The following RGS7 variants were observed in gnomAD, a reference collection of about 807,000 sequenced individuals.
RGS7 encodes regulator of G protein signaling 7, also known as regulator of G-protein signaling 7.
A neutral mutation model predicts 81.1 loss-of-function variants in RGS7; 27 were observed. The ratio of observed to expected loss-of-function variants is 0.33; its 90% confidence interval spans 0.25 to 0.46. The LOEUF is 0.46. Among genes scored for constraint, RGS7 ranks in the 20% least tolerant of loss-of-function variants. RGS7 has a pLI of 1.00. For synonymous variants in RGS7, 208 were observed against 207.7 expected (o/e 1.00, Z -0.01); for missense variants, 396 against 607.4 (o/e 0.65, Z 3.66).
intron 2 of RGS7, among the ~76,000 whole-genome samples, chr1:241,107,553 G>A (rs2065201481): frequency 6.6e-6 from 1 of 152,088 alleles, no homozygotes; most frequent in Non-Finnish European, 1.5e-5. Flanking sequence ...CTAAGAATTG[G>A]TCTTGCATGA....
intron 13 of RGS7, among the ~76,000 whole-genome samples, chr1:240,812,671 G>A (rs1572205997): frequency 3.9e-5 from 6 of 152,162 alleles, no homozygotes; most frequent in Admixed American, 3.3e-4. Context: ...CTGACCTCAG[G>A]TGATCCACCC....
chr1:241,343,403 C>G (rs1429962664), intron 2 of RGS7, among the ~76,000 whole-genome samples: 1 of 152,014 alleles, frequency 6.6e-6, no homozygotes, highest in African/African-American at 2.4e-5. Flanking sequence ...ATACAATAGT[C>G]AAAGGTAGCA....
chr1:240,898,094 T>A (rs1465684310), intron 6 of RGS7, among the ~76,000 whole-genome samples: 2 of 152,204 alleles, frequency 1.3e-5, no homozygotes, highest in Non-Finnish European at 2.9e-5. Context: ...TATTCTCTGA[T>A]GGTAGTTTGT....
chr1:241,030,712 G>A (rs1289272809), intron 3 of RGS7, among the ~76,000 whole-genome samples: 1 of 152,030 alleles, frequency 6.6e-6, no homozygotes. Flanking sequence ...TGCAATCTGG[G>A]AACCAGTGGG....
chr1:240,916,599 A>C (rs2148279711), intron 6 of RGS7, among the ~76,000 whole-genome samples: 1 of 152,268 alleles, frequency 6.6e-6, no homozygotes, highest in East Asian at 1.9e-4. Flanking sequence ...TGAGATCATA[A>C]GGGTGAGGTC....
chr1:241,264,917 C>A (rs770085251), intron 2 of RGS7, among the ~76,000 whole-genome samples: 1 of 152,204 alleles, frequency 6.6e-6, no homozygotes, highest in Non-Finnish European at 1.5e-5. Context: ...CCTCCAGCGG[C>A]CTAACTGCAA....
intron 4 of RGS7, among the ~76,000 whole-genome samples, chr1:240,956,206 G>A (rs1313603461): frequency 6.6e-6 from 1 of 152,156 alleles, no homozygotes; most frequent in South Asian, 2.1e-4. Context: ...GTAAGCAAGG[G>A]CTGGGAACAA....
At chr1:240,926,632 T>G (rs1489816304) in intron 6 of RGS7, among the ~76,000 whole-genome samples, 1 of 152,192 alleles carries the variant, frequency 6.6e-6, no homozygotes, top group African/African-American at 2.4e-5. Flanking sequence ...TGTCTCTACT[T>G]CTTACCAAAG....
chr1:241,298,693 A>G (rs2079561135), intron 2 of RGS7, among the ~76,000 whole-genome samples: 3 of 152,186 alleles, frequency 2.0e-5, no homozygotes, highest in Admixed American at 6.5e-5. Context: ...GCATCTCACA[A>G]TGAATCCTCC....
At chr1:241,264,104 C>T (rs1257594274) in intron 2 of RGS7, among the ~76,000 whole-genome samples, 7 of 152,204 alleles carry the variant, frequency 4.6e-5, no homozygotes, top group Non-Finnish European at 2.9e-5. Flanking sequence ...GTATATAGCA[C>T]TATTCACTGA....
chr1:240,796,943 G>C (rs1687169662), intron 18 of RGS7, among the ~76,000 whole-genome samples: 1 of 152,168 alleles, frequency 6.6e-6, no homozygotes, highest in Non-Finnish European at 1.5e-5. Flanking sequence ...CATTAAGATA[G>C]AGTGAAAATA....
intron 2 of RGS7, among the ~76,000 whole-genome samples, chr1:241,268,394 A>G (rs1296788076): frequency 6.6e-6 from 1 of 152,086 alleles, no homozygotes; most frequent in African/African-American, 2.4e-5. Flanking sequence ...CGTTTAGCAG[A>G]TCTCTGGCCT....
At chr1:241,181,258 C>A (rs2071590693) in intron 2 of RGS7, among the ~76,000 whole-genome samples, 3 of 152,120 alleles carry the variant, frequency 2.0e-5, no homozygotes, top group Admixed American at 2.0e-4. Flanking sequence ...AAAAGTGTAC[C>A]TCTCTGGTGG....
Position 241,124,741 on chromosome 1 carries a change from G to A in RGS7, c.79-25979C>T, listed in dbSNP as rs78642229. 1.1e-3 allele frequency among the ~76,000 whole-genome samples: 162 copies of A among 152,294 alleles called. 2 individuals are homozygous for A. Among genetic ancestry groups the A allele is most frequent in the African/African-American group, 3.8e-3 (159 of 41,574 alleles). On this transcript the variant is annotated intron_variant, in intron 2 of 18. Transcript: ENST00000440928. ...TTGGTCACCAGCAGAAACAGGAAGG[G>A]CCCCCTGGGAGCTGAGCCAATTGTG...
intron 2 of RGS7, among the ~76,000 whole-genome samples, chr1:241,327,261 T>C (rs946575474): frequency 2.0e-5 from 3 of 152,056 alleles, no homozygotes; most frequent in Non-Finnish European, 2.9e-5. Context: ...AGGCAGGCCA[T>C]AGATATCAAC....
chr1:240,867,077 C>T (rs1663450760), intron 9 of RGS7, among the ~76,000 whole-genome samples: 1 of 152,208 alleles, frequency 6.6e-6, no homozygotes, highest in Non-Finnish European at 1.5e-5. Flanking sequence ...ACCTCATAAT[C>T]CTTTTTCTTC....
intron 6 of RGS7, among the ~76,000 whole-genome samples, chr1:240,914,881 C>A (rs1672338955): frequency 6.6e-6 from 1 of 152,160 alleles, no homozygotes. Flanking sequence ...GAATCATGAC[C>A]TAGAGTAACA....
intron 2 of RGS7, among the ~76,000 whole-genome samples, chr1:241,245,129 TTAAGAAC>T (rs1255504368): frequency 6.6e-6 from 1 of 152,078 alleles, no homozygotes; most frequent in African/African-American, 2.4e-5. Context: ...AAAGTTGGAC[TTAAGAAC>T]TGTAAAAATG....
intron 6 of RGS7, among the ~76,000 whole-genome samples, chr1:240,882,816 A>G (rs1350250848): frequency 1.3e-5 from 2 of 152,160 alleles, no homozygotes; most frequent in African/African-American, 2.4e-5. Context: ...AAACTACATT[A>G]CAGATTGTAT....
Sources: allele counts gnomAD v4.1 joint callset (sites outside exome capture counted in the v4.1 genomes callset), GRCh38; gene constraint gnomAD v4.1.1; transcripts MANE v1.5; gene names NCBI Gene and HGNC (gene_info 2026-07-23, HGNC 2026-07-21).